The following PJA2 variants were observed in gnomAD, a reference collection of about 807,000 sequenced individuals.
The protein encoded by PJA2 is E3 ubiquitin-protein ligase Praja-2.
In PJA2, 25 loss-of-function variants were observed where a neutral mutation model predicts 69.3. The observed-to-expected ratio is 0.36, with a 90% CI of 0.26 to 0.50. The LOEUF (loss-of-function observed/expected upper bound fraction) is 0.50. Ranked by LOEUF, PJA2 falls within the 20% of genes least tolerant of loss-of-function variation. PJA2 has a pLI of 0.96. For synonymous variants in PJA2, 308 were observed against 277.8 expected, an observed-to-expected ratio of 1.11 and a Z score of -1.08; for missense variants, 809 against 830.2, an observed-to-expected ratio of 0.97 and a Z score of 0.31.
At chr5:109,356,103 T>C in intron 6 of PJA2, 77 bp from the exon 7 acceptor site, 1 of 889,482 alleles carries the variant, frequency 1.1e-6, no homozygotes, top group Non-Finnish European at 1.8e-6. Context: ...ATAATTATAT[T>C]AGCATACTGA....
chr5:109,349,769 T>G (rs1762219444), intron 7 of PJA2, among the ~76,000 whole-genome samples: 1 of 152,204 alleles, frequency 6.6e-6, no homozygotes, highest in African/African-American at 2.4e-5. Context: ...TATATGCGCT[T>G]TTCCCATATT....
intron 1 of PJA2, among the ~76,000 whole-genome samples, chr5:109,404,993 TA>T: frequency 6.6e-6 from 1 of 152,258 alleles, no homozygotes; most frequent in South Asian, 2.1e-4. Context: ...AATTCAAAAA[TA>T]ATAAAACTGA....
intron 2 of PJA2, among the ~76,000 whole-genome samples, chr5:109,382,221 C>A (rs933835986): frequency 1.3e-5 from 2 of 151,994 alleles, no homozygotes; most frequent in African/African-American, 4.8e-5. Flanking sequence ...AACTAGATCA[C>A]AATAAATATG....
intron 9 of PJA2, among the ~76,000 whole-genome samples, chr5:109,339,988 A>T (rs1310521814): frequency 6.6e-6 from 1 of 152,214 alleles, no homozygotes; most frequent in African/African-American, 2.4e-5. Flanking sequence ...AGAATCCAGC[A>T]TTATACCTCA....
At chr5:109,397,496 GA>G (rs1056444072) in intron 1 of PJA2, among the ~76,000 whole-genome samples, 96 of 143,720 alleles carry the variant, frequency 6.7e-4, no homozygotes, top group Non-Finnish European at 6.0e-4. Context: ...TCTCCTAGTA[GA>G]AAAAAAAAAA....
rs185547417 is a variant in PJA2, at chr5:109,377,509, A to G, written c.1283+695T>C. Among the ~76,000 whole-genome samples, 135 of 152,296 alleles carry G rather than the reference A, an allele frequency of 8.9e-4. 1 individual carries two copies. The highest frequency in any genetic ancestry group is 3.1e-3 in the African/African-American group (129 of 41,578). On this transcript the variant is annotated intron_variant, in intron 4 of 9. Coordinates refer to ENST00000361189, the MANE Select transcript of PJA2 (RefSeq NM_014819.5). ...TGTAAGAGCAATCAGAATGCTTATTATAAGTTTTATGTTCTGTTGAAAATA... is the reference window on the plus strand; with the variant it reads ...TGTAAGAGCAATCAGAATGCTTATTGTAAGTTTTATGTTCTGTTGAAAATA...
In PJA2 at chr5:109,340,855, C is replaced by T. The variant is rs1042135813; in HGVS notation, c.2001+3335G>A. Among the ~76,000 whole-genome samples, 154 of 101,696 alleles carry T rather than the reference C, an allele frequency of 1.5e-3. 1 individual carries two copies. Among genetic ancestry groups the T allele is most frequent in the African/African-American group, 4.4e-3 (143 of 32,458 alleles). The allele number at this position is 101,696 out of a possible 152,430, so 66.7% of individuals were successfully genotyped here. On this transcript the variant is annotated intron_variant, in intron 9 of 9. Coordinates refer to ENST00000361189, the MANE Select transcript of PJA2 (RefSeq NM_014819.5). ...TGGGGTTTCGCTGTGTTGGCCGGGCCGGTCTCCAGCCCCTAACCGCGAGTG... is the reference window on the plus strand; with the variant it reads ...TGGGGTTTCGCTGTGTTGGCCGGGCTGGTCTCCAGCCCCTAACCGCGAGTG...
At chr5:109,372,401 A>C (rs1236442701) in intron 4 of PJA2, among the ~76,000 whole-genome samples, 1 of 152,154 alleles carries the variant, frequency 6.6e-6, no homozygotes, top group Non-Finnish European at 1.5e-5. Flanking sequence ...ATCAGACTCT[A>C]TTTCTTTCAA....
chr5:109,380,246 A>G (rs1747012124), intron 3 of PJA2, among the ~76,000 whole-genome samples: 2 of 151,994 alleles, frequency 1.3e-5, no homozygotes, highest in East Asian at 1.9e-4. Flanking sequence ...GGGTTCTTCA[A>G]TGGGATGACC....
intron 1 of PJA2, among the ~76,000 whole-genome samples, chr5:109,408,512 G>A (rs1582637525): frequency 6.6e-6 from 1 of 151,962 alleles, no homozygotes; most frequent in East Asian, 1.9e-4. Flanking sequence ...ATGCAAACAT[G>A]TTTGGTATAT....
At chr5:109,409,030 G>C (rs749551542) in intron 1 of PJA2, 4 of 151,788 alleles carry the variant, frequency 2.6e-5, no homozygotes, top group Admixed American at 6.6e-5. Context: ...TCCGGAGAAG[G>C]AACTCTCAGA....
In PJA2 at chr5:109,378,923, C is replaced by T. The variant is rs1266775390; in HGVS notation, c.564G>A (p.Val188=). ...ATGATTCCTGGTATCTACTACCTTCCACGACTTCTGCAGAAAGTTGAAGAT... is the reference window on the plus strand; with the variant it reads ...ATGATTCCTGGTATCTACTACCTTCTACGACTTCTGCAGAAAGTTGAAGAT... ...NDHLQLSAEV[V]EGSRYQESLG... Residue 188 remains valine (V), a synonymous_variant, in exon 4 of 10, where the codon GTG becomes GTA. Coordinates refer to ENST00000361189, the MANE Select transcript of PJA2 (RefSeq NM_014819.5). 1.2e-6 allele frequency: 2 copies of T among 1,614,036 alleles called. No homozygotes were observed. Among genetic ancestry groups the T allele is most frequent in the Admixed American group, 3.3e-5 (2 of 60,008 alleles).
At chr5:109,345,357 A>C (rs1432368969) in intron 7 of PJA2, among the ~76,000 whole-genome samples, 3 of 132,804 alleles carry the variant, frequency 2.3e-5, no homozygotes, top group Non-Finnish European at 5.0e-5. Context: ...ACTCCATCTC[A>C]AAAAAAAAAA....
intron 7 of PJA2, among the ~76,000 whole-genome samples, chr5:109,351,523 A>G (rs893026118): frequency 2.0e-5 from 3 of 152,158 alleles, no homozygotes; most frequent in Non-Finnish European, 4.4e-5. Context: ...AATAACTAAT[A>G]CTACCTAGAT....
intron 1 of PJA2, among the ~76,000 whole-genome samples, chr5:109,408,860 G>A (rs1489773770): frequency 6.6e-6 from 1 of 152,172 alleles, no homozygotes; most frequent in East Asian, 1.9e-4. Context: ...CAAATGATCC[G>A]TAGCCTTCAG....
chr5:109,372,031 C>A (rs113871560), intron 4 of PJA2, among the ~76,000 whole-genome samples: 98 of 152,206 alleles, frequency 6.4e-4, no homozygotes, highest in African/African-American at 2.0e-3. Context: ...GTTAGCGAGT[C>A]TTTTTTTAAC....
intron 9 of PJA2, among the ~76,000 whole-genome samples, chr5:109,342,437 C>CCCCCGCCCGGCCAGCCG (rs1762087465): frequency 7.2e-6 from 1 of 139,648 alleles, no homozygotes; most frequent in Non-Finnish European, 1.6e-5. Flanking sequence ...GGATGTCGGC[C>CCCCCGCCCGGCCAGCCG]CCCCGCCCGG....
intron 1 of PJA2, among the ~76,000 whole-genome samples, chr5:109,407,306 CA>C (rs1251820776): frequency 4.0e-5 from 6 of 150,998 alleles, no homozygotes; most frequent in Non-Finnish European, 8.9e-5. Context: ...CAAAAGATGT[CA>C]AAAAAATATA....
intron 1 of PJA2, among the ~76,000 whole-genome samples, chr5:109,386,942 T>C (rs1014128581): frequency 1.7e-4 from 26 of 152,310 alleles, no homozygotes; most frequent in African/African-American, 6.0e-4. Flanking sequence ...CATGTTTAAA[T>C]TTTTCCTACA....
Sources: gnomAD v4.1 joint callset for allele counts (sites outside exome capture counted in the v4.1 genomes callset) on GRCh38, gnomAD v4.1.1 for gene constraint, MANE v1.5 for transcripts, NCBI Gene and HGNC (gene_info 2026-07-23, HGNC 2026-07-21) for gene names.